The following LIN54 variants were observed in gnomAD, a reference collection of about 807,000 sequenced individuals.
LIN54 encodes lin-54 DREAM MuvB core complex component.
LIN54 carries 9 observed loss-of-function variants against 78.7 expected under a neutral mutation model. The observed-to-expected ratio is 0.11, with a 90% CI of 0.07 to 0.20. The LOEUF (loss-of-function observed/expected upper bound fraction) is 0.20, where lower values mean the gene tolerates loss of function less well. Ranked by LOEUF, LIN54 falls within the 10% of genes least tolerant of loss-of-function variation. The pLI is 1.00. For missense variants in LIN54, 573 were observed against 889.9 expected (o/e 0.64, Z 4.53); for synonymous variants, 269 against 318.4 (o/e 0.84, Z 1.65).
intron 1 of LIN54, among the ~76,000 whole-genome samples, chr4:83,007,176 T>A (rs901856951): frequency 6.6e-6 from 1 of 151,584 alleles, no homozygotes; most frequent in African/African-American, 2.4e-5. Context: ...AATAAATAAA[T>A]AAAAAGAAAT....
chr4:82,947,448 G>C (rs1349114961), intron 4 of LIN54, among the ~76,000 whole-genome samples: 1 of 145,974 alleles, frequency 6.9e-6, no homozygotes, highest in African/African-American at 2.5e-5. Context: ...GTTAGACACA[G>C]GGTCTCACTT....
intron 1 of LIN54, among the ~76,000 whole-genome samples, chr4:82,994,554 C>G (rs897568384): frequency 1.3e-5 from 2 of 151,986 alleles, no homozygotes; most frequent in African/African-American, 4.8e-5. Context: ...CATGGCACCA[C>G]GCCCAGTTAA....
At chr4:83,005,173 G>C (rs181077100) in intron 1 of LIN54, among the ~76,000 whole-genome samples, 3 of 152,220 alleles carry the variant, frequency 2.0e-5, no homozygotes, top group East Asian at 3.9e-4. Flanking sequence ...TAGGATTACA[G>C]GCATGAGCCA....
At chr4:82,976,727 T>C (rs1299671328) in intron 3 of LIN54, among the ~76,000 whole-genome samples, 1 of 152,024 alleles carries the variant, frequency 6.6e-6, no homozygotes, top group African/African-American at 2.4e-5. Context: ...ACTAGCTGCA[T>C]GGAAAAAGAC....
chr4:82,976,505 C>T (rs1045736296), intron 3 of LIN54, among the ~76,000 whole-genome samples: 4 of 151,962 alleles, frequency 2.6e-5, no homozygotes, highest in African/African-American at 9.7e-5. Flanking sequence ...GTCAGGAGTT[C>T]GAGACCAGCC....
chr4:82,988,484 C>T (rs956938923), intron 1 of LIN54, among the ~76,000 whole-genome samples: 6 of 152,184 alleles, frequency 3.9e-5, no homozygotes, highest in Admixed American at 3.9e-4. Flanking sequence ...CTGCTATAAA[C>T]TGCTATAAAT....
At chr4:82,942,062 GT>G (rs1203433243) in intron 5 of LIN54, among the ~76,000 whole-genome samples, 3 of 152,202 alleles carry the variant, frequency 2.0e-5, no homozygotes, top group Non-Finnish European at 4.4e-5. Context: ...TGAAAGAGAG[GT>G]TGAGAGAATT....
In LIN54 at chr4:82,927,983, A is replaced by T; in HGVS notation, c.*119T>A. The T allele has an allele frequency of 1.3e-6, 1 of 770,944 alleles. No homozygotes were observed. Among genetic ancestry groups the T allele is most frequent in the Non-Finnish European group, 2.2e-6 (1 of 463,388 alleles). 47.8% of individuals were successfully genotyped at this position (770,944 alleles called of 1,614,324 possible). A position where few individuals can be genotyped will look rare whatever the true frequency, so the allele number is the denominator to read the frequency against. ...TCTTCTCCTTCAGTATTATAATTTCAGGTCTTTTAAAACAAGGACTGAATT... is the reference window on the plus strand; with the variant it reads ...TCTTCTCCTTCAGTATTATAATTTCTGGTCTTTTAAAACAAGGACTGAATT... On this transcript the variant is annotated 3_prime_UTR_variant, in exon 13 of 13. Coordinates refer to ENST00000340417, the MANE Select transcript of LIN54 (RefSeq NM_194282.4).
intron 8 of LIN54, among the ~76,000 whole-genome samples, chr4:82,937,847 T>C (rs531611890): frequency 3.3e-4 from 50 of 152,214 alleles, no homozygotes; most frequent in Non-Finnish European, 5.4e-4. Flanking sequence ...TTAAAAATAG[T>C]TGGGCAGGTG....
intron 3 of LIN54, among the ~76,000 whole-genome samples, chr4:82,971,051 C>A (rs1725608053): frequency 6.6e-6 from 1 of 152,088 alleles, no homozygotes; most frequent in Admixed American, 6.6e-5. Flanking sequence ...TCAGGAACAA[C>A]CATGAAAAAC....
intron 1 of LIN54, among the ~76,000 whole-genome samples, chr4:83,007,792 G>A (rs1243804629): frequency 6.6e-6 from 1 of 152,076 alleles, no homozygotes; most frequent in Non-Finnish European, 1.5e-5. Flanking sequence ...ACCAGGCTAA[G>A]GTGGGATTAT....
At chr4:83,002,458 AGGAAGGAGGGAGGAG>A (rs1728944815) in intron 1 of LIN54, among the ~76,000 whole-genome samples, 3 of 129,592 alleles carry the variant, frequency 2.3e-5, no homozygotes, top group Admixed American at 8.3e-5. Flanking sequence ...GGAGGGAAGG[AGGAAGGAGGGAGGAG>A]GGAAGGAGGG....
intron 12 of LIN54, among the ~76,000 whole-genome samples, chr4:82,929,665 G>C (rs1230399482): frequency 6.6e-6 from 1 of 151,824 alleles, no homozygotes; most frequent in Non-Finnish European, 1.5e-5. Context: ...ATTTAGCTGG[G>C]CGTCGTGGTG....
At chr4:82,989,261 C>T (rs534305065) in intron 1 of LIN54, among the ~76,000 whole-genome samples, 1 of 152,158 alleles carries the variant, frequency 6.6e-6, no homozygotes, top group South Asian at 2.1e-4. Context: ...GTGAAGTTAT[C>T]AGTCACTTAT....
At chr4:83,008,977 C>G (rs951688163) in intron 1 of LIN54, among the ~76,000 whole-genome samples, 1 of 152,096 alleles carries the variant, frequency 6.6e-6, no homozygotes, top group Admixed American at 6.5e-5. Flanking sequence ...AGGCATGGGT[C>G]AAATAACTGC....
chr4:83,002,096 T>C (rs1728895417), intron 1 of LIN54, among the ~76,000 whole-genome samples: 1 of 150,798 alleles, frequency 6.6e-6, no homozygotes, highest in Non-Finnish European at 1.5e-5. Flanking sequence ...AAAGAAGATG[T>C]AGAAGAAGCA....
intron 4 of LIN54, among the ~76,000 whole-genome samples, chr4:82,947,233 A>AAATTTTTT (rs1723451347): frequency 5.9e-5 from 1 of 16,860 alleles, no homozygotes; most frequent in African/African-American, 1.5e-4. Context: ...ATATATATAT[A>AAATTTTTT]TATTTTTTTT....
chr4:82,992,856 G>A (rs1322166458), intron 1 of LIN54, among the ~76,000 whole-genome samples: 2 of 151,702 alleles, frequency 1.3e-5, no homozygotes, highest in South Asian at 2.1e-4. Context: ...GTGAAACCCC[G>A]TCTCTACTAA....
chr4:83,010,809 G>T lies in LIN54; in HGVS notation c.-358C>A, dbSNP rs1015963256. 3 of 1,233,498 alleles carry T rather than the reference G, an allele frequency of 2.4e-6. No homozygotes were observed. The highest frequency in any genetic ancestry group is 3.0e-6 in the Non-Finnish European group (3 of 989,928). The allele number at this position is 1,233,498 out of a possible 1,614,324, so 76.4% of individuals were successfully genotyped here. A position where few individuals can be genotyped will look rare whatever the true frequency, so the allele number is the denominator to read the frequency against. Reference sequence around the variant, plus strand: ...AGCCGGAGCCCGGGCCGCCGCCGCCGCCGCCACCACCAGTAACCTCCCCCT... The same window carrying T: ...AGCCGGAGCCCGGGCCGCCGCCGCCTCCGCCACCACCAGTAACCTCCCCCT... On this transcript the variant is annotated 5_prime_UTR_variant, in exon 1 of 13. Coordinates refer to ENST00000340417, the MANE Select transcript of LIN54 (RefSeq NM_194282.4).
Sources: allele counts gnomAD v4.1 joint callset (sites outside exome capture counted in the v4.1 genomes callset), GRCh38; gene constraint gnomAD v4.1.1; transcripts MANE v1.5; gene names NCBI Gene and HGNC (gene_info 2026-07-23, HGNC 2026-07-21).